UNC80: variants seen among roughly 807,000 people sequenced by gnomAD.
UNC80 encodes the protein protein unc-80 homolog.
Under a neutral mutation model 384.6 loss-of-function variants are expected in UNC80, and 164 were observed. The ratio of observed to expected loss-of-function variants is 0.43; its 90% CI spans 0.38 to 0.49. UNC80 has a LOEUF of 0.49. Among genes scored for constraint, UNC80 ranks in the 20% least tolerant of loss-of-function variants. The pLI, the probability that UNC80 is intolerant of heterozygous loss-of-function variation, is 0.00. For synonymous variants in UNC80, 1,486 were observed against 1,527.8 expected (o/e 0.97, Z 0.64); for missense variants, 3,330 against 4,143.0 (o/e 0.80, Z 5.39).
rs924481250 is a variant in UNC80, at chr2:209,957,619, G to C, written c.7458-25G>C. 1.1e-5 allele frequency: 17 copies of C among 1,529,162 alleles called. No homozygotes were observed. In the Admixed American group the frequency reaches 2.8e-4, roughly 25 times the overall value. 94.7% of individuals were successfully genotyped at this position (1,529,162 alleles called of 1,614,324 possible). The stretch of plus-strand genomic sequence containing the variant: ...TTTCTGTTGTTGTTGTTGTTTTGCT[G>C]TGGTGATTACTGTCATTGTTACAGG... On this transcript the variant is annotated intron_variant, in intron 48 of 64. Transcript: ENST00000673920.
Position 209,839,488 on chromosome 2 carries a change from T to G in UNC80, c.3250+58T>G. ...TCTTATTACCAACCATGTCCTCAGA[T>G]CAACTCAGTGATGCATAGTAGGGCC... On this transcript the variant is annotated intron_variant, in intron 19 of 64. Transcript: ENST00000673920. The surrounding 1 kb of genome is among the most constrained non-coding windows in gnomAD (Gnocchi z 4.1). The G allele has an allele frequency of 6.5e-7, 1 of 1,536,946 alleles. No homozygotes were observed. Among genetic ancestry groups the G allele is most frequent in the East Asian group, 2.4e-5 (1 of 40,850 alleles).
chr2:209,886,677 G>A (rs943996445), intron 25 of UNC80, among the ~76,000 whole-genome samples: 38 of 152,026 alleles, frequency 2.5e-4, no homozygotes, highest in African/African-American at 8.9e-4. Flanking sequence ...ATACTGCTTT[G>A]AGCCTCTGGC....
At position 209,840,537 on chromosome 2, in the gene UNC80, A is replaced by G; in HGVS notation, c.3251-5A>G. ...ATTGATCTAAGTGATTTAACTATTA[A>G]ATAGGGAACTGGCTGAAGAGATCAT... is the stretch of plus-strand genomic sequence containing the variant. On this transcript the variant is annotated splice_polypyrimidine_tract_variant and splice_region_variant and intron_variant, in intron 19 of 64. Transcript: ENST00000673920. 1 of 1,550,970 alleles carries G rather than the reference A, an allele frequency of 6.4e-7. No homozygotes were observed. The highest frequency in any genetic ancestry group is 8.7e-7 in the Non-Finnish European group (1 of 1,146,308).
In UNC80 at chr2:209,789,556, G is replaced by T; in HGVS notation, c.749G>T (p.Ser250Ile). ...GCTAAGAGAAGTTCTCCTATCAACA[G>T]TCAAAGCCGGACCTGTGAATCACCA... ...ITAKRSSPIN[S>I]QSRTCESPNQ... Residue 250 changes from serine to isoleucine, a missense_variant, in exon 6 of 65, where the codon AGT becomes ATT. Physicochemically the swap from Ser to Ile is moderately radical, Grantham distance 142. This residue lies in a region of UNC80 where 937 missense variants were observed against 1,026.8 expected (regional missense o/e 0.91). Coordinates refer to ENST00000673920, the MANE Select transcript of UNC80 (RefSeq NM_001371986.1). 6.2e-7 allele frequency: 1 copy of T among 1,613,526 alleles called. No individual in the cohort carries two copies.
chr2:209,924,427 A>G (rs1265946350), intron 35 of UNC80, among the ~76,000 whole-genome samples: 11 of 152,192 alleles, frequency 7.2e-5, no homozygotes, highest in Non-Finnish European at 1.0e-4. Flanking sequence ...GCCTTGAACT[A>G]ATAAGTCTTC....
At chr2:209,899,018 CT>C (rs2087100444) in intron 28 of UNC80, among the ~76,000 whole-genome samples, 1 of 152,168 alleles carries the variant, frequency 6.6e-6, no homozygotes. Context: ...GTTCATTCGT[CT>C]GTTGATGGAC....
At chr2:209,984,987 T>C (rs952274013) in intron 61 of UNC80, 75 bp downstream of exon 61, 4 of 1,263,770 alleles carry the variant, frequency 3.2e-6, no homozygotes, top group Admixed American at 2.4e-5. Flanking sequence ...TCTGTCTCTC[T>C]GTCTTCTCTG....
intron 22 of UNC80, among the ~76,000 whole-genome samples, chr2:209,859,500 G>T (rs915985790): frequency 6.6e-6 from 1 of 152,202 alleles, no homozygotes; most frequent in Non-Finnish European, 1.5e-5. Context: ...ATATACGTGT[G>T]CATGTGTCTT....
At chr2:209,876,303 A>C (rs2084779013) in intron 23 of UNC80, among the ~76,000 whole-genome samples, 1 of 152,204 alleles carries the variant, frequency 6.6e-6, no homozygotes, top group Non-Finnish European at 1.5e-5. Flanking sequence ...AGGCACATTA[A>C]ACAAAGGTAC....
chr2:209,809,496 G>T (rs1574537311), intron 7 of UNC80: 3 of 1,222,464 alleles, frequency 2.5e-6, no homozygotes, highest in East Asian at 4.7e-5. Context: ...AGAAGTACCA[G>T]TGCCAGGCGT....
chr2:209,862,038 A>G (rs186118384), intron 22 of UNC80, among the ~76,000 whole-genome samples: 2 of 151,414 alleles, frequency 1.3e-5, no homozygotes, highest in Admixed American at 6.6e-5. Flanking sequence ...ATCTCCTTCA[A>G]TTCTTCTCTG....
At chr2:209,966,702 G>A (rs761996754) in intron 51 of UNC80, among the ~76,000 whole-genome samples, 2 of 152,226 alleles carry the variant, frequency 1.3e-5, no homozygotes, top group Non-Finnish European at 2.9e-5. Context: ...AACCTTGAGA[G>A]AAGCACAACT....
chr2:209,996,907 T>C lies in UNC80; in HGVS notation c.*1312T>C, dbSNP rs999371253. The C allele has an allele frequency of 2.6e-5, 4 of 152,180 alleles. No individual in the cohort carries two copies. Among genetic ancestry groups the C allele is most frequent in the East Asian group, 1.9e-4 (1 of 5,196 alleles). The allele number at this position is 152,180 out of a possible 1,614,324, so 9.4% of individuals were successfully genotyped here. ...GTGTATGTGTGCGTGCGTGTGTGTG[T>C]GTATGTGTTGTAGTCCTCAAGATGA... is the stretch of plus-strand genomic sequence containing the variant. On this transcript the variant is annotated 3_prime_UTR_variant, in exon 65 of 65. Transcript: ENST00000673920.
chr2:209,958,643 C>G (rs1335098973), intron 49 of UNC80, among the ~76,000 whole-genome samples: 1 of 152,142 alleles, frequency 6.6e-6, no homozygotes, highest in African/African-American at 2.4e-5. Flanking sequence ...AGGGACTTCT[C>G]TAGGCTCACT....
intron 6 of UNC80, 56 bp downstream of exon 6, chr2:209,789,661 T>C (rs113915244): frequency 7.9e-7 from 1 of 1,262,592 alleles, no homozygotes; most frequent in African/African-American, 1.5e-5. Context: ...GGACATAGTG[T>C]AGTGTGAAGG....
intron 13 of UNC80, among the ~76,000 whole-genome samples, chr2:209,823,515 G>T (rs1448283309): frequency 6.6e-6 from 1 of 152,018 alleles, no homozygotes; most frequent in Non-Finnish European, 1.5e-5. Context: ...TCTGCTTTCG[G>T]AACCACTCAC....
chr2:209,912,415 A>G (rs913165314), intron 29 of UNC80, 145 bp from the exon 30 acceptor site: 7 of 464,678 alleles, frequency 1.5e-5, no homozygotes, highest in Non-Finnish European at 2.6e-5. Flanking sequence ...GCTTTTATAA[A>G]TTTTAGAAAA....
intron 24 of UNC80, among the ~76,000 whole-genome samples, chr2:209,879,868 GA>G (rs67843463): frequency 0.18 from 26,772 of 151,904 alleles, 3,293 homozygotes; most frequent in African/African-American, 0.34. Context: ...TGGTTTTCCT[GA>G]AAAAAACGAT....
At chr2:209,796,469 G>A (rs1574479539) in intron 7 of UNC80, 1 of 152,202 alleles carries the variant, frequency 6.6e-6, no homozygotes, top group South Asian at 2.1e-4. Flanking sequence ...TTTGAAATGT[G>A]AGGATATGAG....
Sources: allele counts gnomAD v4.1 joint callset (sites outside exome capture counted in the v4.1 genomes callset), GRCh38; gene constraint gnomAD v4.1.1; regional missense constraint gnomAD v4.1.1; non-coding constraint Gnocchi (gnomAD v3.1); transcripts MANE v1.5; gene names NCBI Gene and HGNC (gene_info 2026-07-23, HGNC 2026-07-21).